Variants in RNF150 observed in about 807,000 individuals in gnomAD.
RNF150 encodes ring finger protein 150.
RNF150 carries 24 observed loss-of-function variants against 39.3 expected under a neutral mutation model. That is an observed-to-expected ratio of 0.61 (90% CI 0.44 to 0.86). RNF150 has a LOEUF of 0.86. Ranked by LOEUF, RNF150 falls within the 40% of genes least tolerant of loss-of-function variation. RNF150 has a pLI of 0.00. For missense variants in RNF150, 502 were observed against 587.8 expected, an observed-to-expected ratio of 0.85 and a Z score of 1.51; for synonymous variants, 255 against 227.3, an observed-to-expected ratio of 1.12 and a Z score of -1.10.
At chr4:141,118,151 A>G (rs1726490185) in intron 1 of RNF150, among the ~76,000 whole-genome samples, 1 of 152,126 alleles carries the variant, frequency 6.6e-6, no homozygotes, top group Admixed American at 6.5e-5. Context: ...AGCTAGTGTC[A>G]GACCCGTTAC....
At chr4:141,171,292 A>T (rs1727715016) in intron 1 of RNF150, among the ~76,000 whole-genome samples, 1 of 152,090 alleles carries the variant, frequency 6.6e-6, no homozygotes, top group Admixed American at 6.5e-5. Context: ...AGAACTTTCC[A>T]CTAACAGCCA....
rs397995597 is a variant in RNF150 at position 141,012,781 on chromosome 4, C to CAAAAA, written c.485-44913_485-44909dup. Among the ~76,000 whole-genome samples, 219 of 71,350 alleles carry CAAAAA rather than the reference C, an allele frequency of 3.1e-3. 17 individuals are homozygous for CAAAAA. Among genetic ancestry groups the CAAAAA allele is most frequent in the South Asian group, 0.023 (31 of 1,364 alleles). The allele number at this position is 71,350 out of a possible 152,430, so 46.8% of individuals were successfully genotyped here. A position where few individuals can be genotyped will look rare whatever the true frequency, so the allele number is the denominator to read the frequency against. On this transcript the variant is annotated intron_variant, in intron 1 of 6. Transcript: ENST00000515673. Reference sequence around the variant, plus strand: ...CTGGTGACAGAGTAAGACTCTGTCTCAAAAAAAAAAAAAAAAAAAAAGGCA... The same window carrying CAAAAA: ...CTGGTGACAGAGTAAGACTCTGTCTCAAAAAAAAAAAAAAAAAAAAAAAAAAGGCA...
chr4:140,926,086 C>T lies in RNF150; in HGVS notation c.891-13G>A, dbSNP rs1035972332. 5 of 1,589,448 alleles carry T rather than the reference C, an allele frequency of 3.1e-6. No homozygotes were observed. Among genetic ancestry groups the T allele is most frequent in the Non-Finnish European group, 4.3e-6 (5 of 1,157,516 alleles). On this transcript the variant is annotated splice_polypyrimidine_tract_variant and intron_variant, in intron 4 of 6. Transcript: ENST00000515673. ...GTGGAAAAGATGCCTGCAATGAGAA[C>T]CATACATCTTAGAGCGGCGGTAACT...
At chr4:141,190,126 C>T (rs989120949) in intron 1 of RNF150, among the ~76,000 whole-genome samples, 5 of 152,150 alleles carry the variant, frequency 3.3e-5, no homozygotes, top group South Asian at 2.1e-4. Flanking sequence ...TGACACCCCA[C>T]CCTGCTCTGC....
intron 6 of RNF150, among the ~76,000 whole-genome samples, chr4:140,898,440 T>C (rs137867586): frequency 2.0e-5 from 3 of 152,226 alleles, no homozygotes; most frequent in Non-Finnish European, 4.4e-5. Flanking sequence ...GTAACATGTA[T>C]GTATGCGTGC....
intron 1 of RNF150, among the ~76,000 whole-genome samples, chr4:141,184,154 T>A (rs565077041): frequency 3.5e-4 from 53 of 152,292 alleles, no homozygotes; most frequent in Non-Finnish European, 6.8e-4. Context: ...TTTCTCCACA[T>A]CCTCTCCAAC....
intron 1 of RNF150, among the ~76,000 whole-genome samples, chr4:141,176,287 A>G (rs1727811104): frequency 6.6e-6 from 1 of 152,044 alleles, no homozygotes; most frequent in Admixed American, 6.5e-5. Flanking sequence ...CAAAGGCCCA[A>G]CCTCTTACTA....
Position 141,120,598 on chromosome 4 carries a change from T to C in RNF150, c.484+11727A>G, listed in dbSNP as rs757236819. On this transcript the variant is annotated intron_variant, in intron 1 of 6. Transcript: ENST00000515673. ...TTGTTTGGGAATCATTCTAAAAGCA[T>C]AAAGGGATATTTAAATGATAATTAT... Among the ~76,000 whole-genome samples, 8 of 152,096 alleles carry C rather than the reference T, an allele frequency of 5.3e-5. No homozygotes were observed. The South Asian group carries it at 1.4e-3, about 28-fold the overall frequency.
chr4:141,207,245 T>C lies in RNF150; in HGVS notation c.-6+5549A>G, dbSNP rs113841304. On this transcript the variant is annotated intron_variant, in intron 1 of 7. Transcript: ENST00000420921. ...AATATTAACCATCACACAGATTAAT[T>C]AGAGATAAATTAAAATAGAGAGGTT... 1.9e-3 allele frequency among the ~76,000 whole-genome samples: 278 copies of C among 144,750 alleles called. 4 individuals are homozygous for C. The highest frequency in any genetic ancestry group is 6.6e-3 in the African/African-American group (265 of 40,384). 95.0% of individuals were successfully genotyped at this position (144,750 alleles called of 152,430 possible).
At chr4:141,003,962 C>G (rs796819182) in intron 1 of RNF150, among the ~76,000 whole-genome samples, 3 of 152,218 alleles carry the variant, frequency 2.0e-5, no homozygotes, top group African/African-American at 7.2e-5. Flanking sequence ...GACAATTCTT[C>G]AAGTGACTGG....
intron 1 of RNF150, among the ~76,000 whole-genome samples, chr4:141,158,468 A>G (rs1199416023): frequency 1.3e-5 from 2 of 152,118 alleles, no homozygotes; most frequent in African/African-American, 2.4e-5. Flanking sequence ...CTTTCAAAAA[A>G]AAAAAAAGCC....
At chr4:141,062,556 G>A (rs1389648465) in intron 1 of RNF150, among the ~76,000 whole-genome samples, 1 of 151,824 alleles carries the variant, frequency 6.6e-6, no homozygotes, top group African/African-American at 2.4e-5. Context: ...TTCTCTGAAC[G>A]CTTTAAGCTT....
At chr4:141,160,025 C>T (rs1727483773) in intron 1 of RNF150, among the ~76,000 whole-genome samples, 1 of 152,080 alleles carries the variant, frequency 6.6e-6, no homozygotes, top group South Asian at 2.1e-4. Flanking sequence ...AGAAGCTCTG[C>T]CCCAGGTCAT....
chr4:140,989,309 C>T (rs1734115821), intron 1 of RNF150, among the ~76,000 whole-genome samples: 1 of 151,944 alleles, frequency 6.6e-6, no homozygotes, highest in Non-Finnish European at 1.5e-5. Context: ...CTGGCCTCTG[C>T]TCATTCAAAA....
chr4:141,176,800 AG>A (rs1727821572), intron 1 of RNF150, among the ~76,000 whole-genome samples: 1 of 152,234 alleles, frequency 6.6e-6, no homozygotes, highest in Non-Finnish European at 1.5e-5. Flanking sequence ...AAATACAAAA[AG>A]TTAATTCTAC....
intron 6 of RNF150, among the ~76,000 whole-genome samples, chr4:140,871,226 T>TA (rs1728926180): frequency 6.6e-6 from 1 of 152,330 alleles, no homozygotes; most frequent in South Asian, 2.1e-4. Flanking sequence ...TATGCATGTT[T>TA]ATGTGTTGAT....
chr4:141,054,463 T>A (rs1474488785), intron 1 of RNF150, among the ~76,000 whole-genome samples: 1 of 152,140 alleles, frequency 6.6e-6, no homozygotes, highest in Admixed American at 6.6e-5. Flanking sequence ...TGGGTTATAA[T>A]GCTATTATAA....
chr4:141,117,358 C>T (rs1167430094), intron 1 of RNF150, among the ~76,000 whole-genome samples: 1 of 152,108 alleles, frequency 6.6e-6, no homozygotes, highest in Admixed American at 6.6e-5. Flanking sequence ...GTATTAGGCC[C>T]TATTTTTACT....
intron 1 of RNF150, among the ~76,000 whole-genome samples, chr4:140,974,278 T>C (rs1320820790): frequency 1.3e-5 from 2 of 152,216 alleles, no homozygotes; most frequent in Non-Finnish European, 2.9e-5. Flanking sequence ...TGTGATCCTC[T>C]AGATTGGCTT....
Sources: allele counts gnomAD v4.1 joint callset (sites outside exome capture counted in the v4.1 genomes callset), GRCh38; gene constraint gnomAD v4.1.1; transcripts MANE v1.5; gene names NCBI Gene and HGNC (gene_info 2026-07-23, HGNC 2026-07-21).